Variants in RPP25 observed in about 807,000 individuals in gnomAD.
RPP25 encodes ribonuclease P/MRP subunit p25, also known as ribonuclease P protein subunit p25.
Under a neutral mutation model 4.4 loss-of-function variants are expected in RPP25, and 2 were observed. The observed-to-expected ratio is 0.45, with a 90% CI of 0.19 to 1.43. RPP25 has a LOEUF of 1.43. Among genes scored for constraint, RPP25 ranks in the 40% most tolerant of loss-of-function variants. The pLI is 0.26. For synonymous variants in RPP25, 144 were observed against 136.2 expected (o/e 1.06, Z -0.40); for missense variants, 319 against 293.8 (o/e 1.09, Z -0.63).
In RPP25 at chr15:74,956,534, C is replaced by G; in HGVS notation, c.50G>C (p.Gly17Ala). The change falls in exon 1 of 1, where the codon GGG becomes GCG. Residue 17 changes from glycine (G) to alanine (A), a missense_variant. Transcript: ENST00000322177. ...VRSEEAPAGC[G>A]AEGGGPGSGP... is the part of the protein sequence containing the mutation. ...GGAGCCCGGGCCGCCTCCCTCGGCC[C>G]CGCACCCCGCTGGCGCCTCTTCGGA... 1 of 1,521,490 alleles carries G rather than the reference C, an allele frequency of 6.6e-7. No individual in the cohort carries two copies. Among genetic ancestry groups the G allele is most frequent in the Non-Finnish European group, 8.8e-7 (1 of 1,140,652 alleles). The allele number at this position is 1,521,490 out of a possible 1,614,324, so 94.2% of individuals were successfully genotyped here.
At position 74,956,412 on chromosome 15, in the gene RPP25, C is replaced by A. The variant is rs1334528684; in HGVS notation, c.172G>T (p.Ala58Ser). Residue 58 changes from alanine (A) to serine (S), a missense_variant, in exon 1 of 1, where the codon GCG becomes TCG. Transcript: ENST00000322177. ...ACGATGGCGCGCGTGGCTGGCTGCG[C>A]CATGCTGGCGGTGGCGAAGGCCATC... is the stretch of plus-strand genomic sequence containing the variant. ...NLMAFATASM[A>S]QPATRAIVFS... is the part of the protein sequence containing the mutation. 6.2e-7 allele frequency: 1 copy of A among 1,601,556 alleles called. No homozygotes were observed. Among genetic ancestry groups the A allele is most frequent in the South Asian group, 1.1e-5 (1 of 89,958 alleles).
Position 74,956,146 on chromosome 15 carries a change from C to T in RPP25, c.438G>A (p.Pro146=). Reference sequence around the variant, plus strand: ...TCGGGGGCTGGTAGCCGGGCTGTCGCGGATCCAGCGCGTCCTTGGAAAGTA... The same window carrying T: ...TCGGGGGCTGGTAGCCGGGCTGTCGTGGATCCAGCGCGTCCTTGGAAAGTA... ...AILLSKDALD[P]RQPGYQPPNP... is the part of the protein sequence containing the mutation. Residue 146 remains proline, a synonymous_variant, in exon 1 of 1, where the codon CCG becomes CCA. Transcript: ENST00000322177. 1 of 1,601,852 alleles carries T rather than the reference C, an allele frequency of 6.2e-7. No homozygotes were observed. Among genetic ancestry groups the T allele is most frequent in the Non-Finnish European group, 8.5e-7 (1 of 1,175,324 alleles).
chr15:74,955,839 C>G lies in RPP25; in HGVS notation c.*145G>C, dbSNP rs2065466080. ...ACTCCTGGGGCCCCTCTCTTGTCGC[C>G]TTAAGGTCCATGCTACCTGTCTTGA... On this transcript the variant is annotated 3_prime_UTR_variant, in exon 1 of 1. Coordinates refer to ENST00000322177, the MANE Select transcript of RPP25 (RefSeq NM_017793.3). 5.8e-6 allele frequency: 7 copies of G among 1,209,188 alleles called. No homozygotes were observed. The highest frequency in any genetic ancestry group is 2.2e-4 in the Middle Eastern group (1 of 4,520). The allele number at this position is 1,209,188 out of a possible 1,614,324, so 74.9% of individuals were successfully genotyped here. A position where few individuals can be genotyped will look rare whatever the true frequency, so the allele number is the denominator to read the frequency against.
Position 74,956,214 on chromosome 15 carries a change from C to G in RPP25, c.370G>C (p.Ala124Pro). Residue 124 changes from alanine (A) to proline (P), a missense_variant, in exon 1 of 1, where the codon GCT (alanine) becomes CCT (proline). By Grantham distance (27) the Ala-to-Pro change is conservative. Transcript: ENST00000322177. ...TQGQTPGEPA[A>P]SLSVLKNVPG... ...ACGTTCTTAAGTACGCTGAGACTAG[C>G]GGCCGGCTCGCCAGGCGTCTGACCC... The G allele has an allele frequency of 6.4e-7, 1 of 1,561,422 alleles. No individual in the cohort carries two copies. Among genetic ancestry groups the G allele is most frequent in the South Asian group, 1.2e-5 (1 of 85,574 alleles).
At position 74,954,458 on chromosome 15, in the gene RPP25, A is replaced by C. The variant is rs2065458828; in HGVS notation, c.*1526T>G. On this transcript the variant is annotated 3_prime_UTR_variant, in exon 1 of 1. Transcript: ENST00000322177. Reference sequence around the variant, plus strand: ...GATTTATTTCAGGGTTCTGCCAGCAAAATGACTTATAAATACATTCTTCCG... The same window carrying C: ...GATTTATTTCAGGGTTCTGCCAGCACAATGACTTATAAATACATTCTTCCG... 1 of 152,256 alleles carries C rather than the reference A, an allele frequency of 6.6e-6. No homozygotes were observed. Among genetic ancestry groups the C allele is most frequent in the Non-Finnish European group, 1.5e-5 (1 of 68,056 alleles). The allele number at this position is 152,256 out of a possible 1,614,324, so 9.4% of individuals were successfully genotyped here.
rs2065463159 is a variant in RPP25, at chr15:74,955,358, G to A, written c.*626C>T. Reference sequence around the variant, plus strand: ...ACTCCAGCCAGCTGCAGGGCTCAGGGGAGGAGGCCTGGAGAGTTCAGTCCT... The same window carrying A: ...ACTCCAGCCAGCTGCAGGGCTCAGGAGAGGAGGCCTGGAGAGTTCAGTCCT... On this transcript the variant is annotated 3_prime_UTR_variant, in exon 1 of 1. Coordinates refer to ENST00000322177, the MANE Select transcript of RPP25 (RefSeq NM_017793.3). The A allele has an allele frequency of 6.6e-6, 1 of 152,502 alleles. No individual in the cohort carries two copies. The highest frequency in any genetic ancestry group is 6.5e-5 in the Admixed American group (1 of 15,300). The allele number at this position is 152,502 out of a possible 1,614,324, so 9.4% of individuals were successfully genotyped here. A position where few individuals can be genotyped will look rare whatever the true frequency, so the allele number is the denominator to read the frequency against.
chr15:74,956,287 G>A lies in RPP25; in HGVS notation c.297C>T (p.Tyr99=). ...AGLHQVTRLR[Y]RSVREVWQSL... ...TCTGCCACACCTCGCGTACGCTCCGGTAGCGCAGCCGCGTGACCTGGTGCA... is the reference window on the plus strand; with the variant it reads ...TCTGCCACACCTCGCGTACGCTCCGATAGCGCAGCCGCGTGACCTGGTGCA... The change falls in exon 1 of 1, where the codon TAC becomes TAT. Residue 99 remains tyrosine, a synonymous_variant. Transcript: ENST00000322177. 1 of 1,597,936 alleles carries A rather than the reference G, an allele frequency of 6.3e-7. No individual in the cohort carries two copies. The highest frequency in any genetic ancestry group is 8.5e-7 in the Non-Finnish European group (1 of 1,175,508).
Position 74,956,148 on chromosome 15 carries a change from G to A in RPP25, c.436C>T (p.Pro146Ser). 1 of 1,601,772 alleles carries A rather than the reference G, an allele frequency of 6.2e-7. No individual in the cohort carries two copies. The part of the protein sequence containing the change: ...AILLSKDALD[P>S]RQPGYQPPNP... ...GGGGGCTGGTAGCCGGGCTGTCGCG[G>A]ATCCAGCGCGTCCTTGGAAAGTAGG... Residue 146 changes from proline (P) to serine (S), a missense_variant, in exon 1 of 1, where the codon CCG becomes TCG. Pro to Ser is a moderately conservative substitution (Grantham distance 74). Transcript: ENST00000322177.
rs2065468906 is a variant in RPP25 at position 74,956,098 on chromosome 15, GGA to G, written c.484_485del (p.Ser162ProfsTer119). 3.1e-6 allele frequency: 5 copies of G among 1,609,288 alleles called. No homozygotes were observed. In the African/African-American group the frequency reaches 5.3e-5, roughly 17 times the overall value. On this transcript the variant is annotated frameshift_variant, in exon 1 of 1. Transcript: ENST00000322177. LOFTEE classifies it low-confidence loss of function (END_TRUNC). ...TCTTGGACGCTGGCGCGGCTGGCGG[GGA>G]CGAGGGACCAGGATGGGGATTCGGG... Reference protein sequence around the residue: ...QPPNPHPGPSSPPAAPASKRS... With the variant: ...QPPNPHPGPSXPPAAPASKRS...
At position 74,955,964 on chromosome 15, in the gene RPP25, G is replaced by T; in HGVS notation, c.*20C>A. ...CTGGCGGAAGATCCTGCCGGACTAG[G>T]TGGCCCACAGTCCGGAGTTTCAGGC... On this transcript the variant is annotated 3_prime_UTR_variant, in exon 1 of 1. Transcript: ENST00000322177. The T allele has an allele frequency of 6.2e-7, 1 of 1,612,262 alleles. No homozygotes were observed. Among genetic ancestry groups the T allele is most frequent in the Non-Finnish European group, 8.5e-7 (1 of 1,179,754 alleles).
In RPP25 at chr15:74,956,503, G is replaced by T; in HGVS notation, c.81C>A (p.Pro27=). 1 of 1,540,732 alleles carries T rather than the reference G, an allele frequency of 6.5e-7. No homozygotes were observed. The change falls in exon 1 of 1, where the codon CCC becomes CCA. Residue 27 remains proline (P), a synonymous_variant. Coordinates refer to ENST00000322177, the MANE Select transcript of RPP25 (RefSeq NM_017793.3). ...CCGCGCCCGGCGCCAGGTCTGCGAA[G>T]GGGCCGGAGCCCGGGCCGCCTCCCT... ...GAEGGGPGSG[P]FADLAPGAVH...
Position 74,956,697 on chromosome 15 carries a change from C to G in RPP25, c.-114G>C, listed in dbSNP as rs1033132564. The stretch of plus-strand genomic sequence containing the variant: ...AGCAGGGGTAAGGGCGCCGGAGCAG[C>G]GCAGACGCCGGCGGGCGGGCTGGGA... On this transcript the variant is annotated 5_prime_UTR_variant, in exon 1 of 1. Transcript: ENST00000322177. 1.6e-6 allele frequency: 2 copies of G among 1,224,146 alleles called. No individual in the cohort carries two copies. Among genetic ancestry groups the G allele is most frequent in the African/African-American group, 1.6e-5 (1 of 62,736 alleles). 75.8% of individuals were successfully genotyped at this position (1,224,146 alleles called of 1,614,324 possible). A position where few individuals can be genotyped will look rare whatever the true frequency, so the allele number is the denominator to read the frequency against.
Position 74,955,415 on chromosome 15 carries a change from G to C in RPP25, c.*569C>G, listed in dbSNP as rs1443698588. 1 of 154,818 alleles carries C rather than the reference G, an allele frequency of 6.5e-6. No individual in the cohort carries two copies. The highest frequency in any genetic ancestry group is 2.4e-5 in the African/African-American group (1 of 41,426). The allele number at this position is 154,818 out of a possible 1,614,324, so 9.6% of individuals were successfully genotyped here. On this transcript the variant is annotated 3_prime_UTR_variant, in exon 1 of 1. Coordinates refer to ENST00000322177, the MANE Select transcript of RPP25 (RefSeq NM_017793.3). Reference sequence around the variant, plus strand: ...CCCTCTGGGCCAGCAGGGGGAAAAGGGGTGTTAAAAGAGCTAGAACCCTCA... The same window carrying C: ...CCCTCTGGGCCAGCAGGGGGAAAAGCGGTGTTAAAAGAGCTAGAACCCTCA...
chr15:74,956,299 C>A lies in RPP25; in HGVS notation c.285G>T (p.Thr95=). 6.2e-7 allele frequency: 1 copy of A among 1,600,402 alleles called. No homozygotes were observed. Among genetic ancestry groups the A allele is most frequent in the Non-Finnish European group, 8.5e-7 (1 of 1,177,072 alleles). Residue 95 remains threonine (T), a synonymous_variant, in exon 1 of 1, where the codon ACG becomes ACT. Coordinates refer to ENST00000322177, the MANE Select transcript of RPP25 (RefSeq NM_017793.3). ...CGCGTACGCTCCGGTAGCGCAGCCG[C>A]GTGACCTGGTGCAGGCCCGCCAGGC... is the stretch of plus-strand genomic sequence containing the variant. ...KRRLAGLHQV[T]RLRYRSVREV... is the part of the protein sequence containing the mutation.
chr15:74,956,720 G>A lies in RPP25; in HGVS notation c.-137C>T. The A allele has an allele frequency of 4.8e-6, 5 of 1,042,510 alleles. No individual in the cohort carries two copies. Among genetic ancestry groups the A allele is most frequent in the Non-Finnish European group, 3.8e-6 (3 of 795,152 alleles). 64.6% of individuals were successfully genotyped at this position (1,042,510 alleles called of 1,614,324 possible). On this transcript the variant is annotated 5_prime_UTR_variant, in exon 1 of 1. Transcript: ENST00000322177. ...AGCGCAGACGCCGGCGGGCGGGCTG[G>A]GACGGCGCGATCTCGGCCCCACTTC... is the stretch of plus-strand genomic sequence containing the variant.
At position 74,955,838 on chromosome 15, in the gene RPP25, C is replaced by T. The variant is rs572223720; in HGVS notation, c.*146G>A. On this transcript the variant is annotated 3_prime_UTR_variant, in exon 1 of 1. Transcript: ENST00000322177. Reference sequence around the variant, plus strand: ...CACTCCTGGGGCCCCTCTCTTGTCGCCTTAAGGTCCATGCTACCTGTCTTG... The same window carrying T: ...CACTCCTGGGGCCCCTCTCTTGTCGTCTTAAGGTCCATGCTACCTGTCTTG... The T allele has an allele frequency of 2.3e-5, 27 of 1,194,886 alleles. No individual in the cohort carries two copies. The South Asian group carries it at 3.3e-4, about 15-fold the overall frequency. The allele number at this position is 1,194,886 out of a possible 1,614,324, so 74.0% of individuals were successfully genotyped here. A position where few individuals can be genotyped will look rare whatever the true frequency, so the allele number is the denominator to read the frequency against.
Position 74,954,692 on chromosome 15 carries a change from A to C in RPP25, c.*1292T>G, listed in dbSNP as rs1216668187. 3 of 152,290 alleles carry C rather than the reference A, an allele frequency of 2.0e-5. No individual in the cohort carries two copies. Among genetic ancestry groups the C allele is most frequent in the Non-Finnish European group, 4.4e-5 (3 of 68,100 alleles). 9.4% of individuals were successfully genotyped at this position (152,290 alleles called of 1,614,324 possible). A position where few individuals can be genotyped will look rare whatever the true frequency, so the allele number is the denominator to read the frequency against. On this transcript the variant is annotated 3_prime_UTR_variant, in exon 1 of 1. Coordinates refer to ENST00000322177, the MANE Select transcript of RPP25 (RefSeq NM_017793.3). ...TGTGCAGGGCTGGAGGCAGCAGCTT[A>C]TCAGGAGGCCTGCAGTGATTCACAG...
rs937225695 is a variant in RPP25, at chr15:74,955,500, G to A, written c.*484C>T. ...GAAAGGAAAACTGTCCCAGGGCGGG[G>A]AGCGGAATAGGGCCCCCACATCTCA... On this transcript the variant is annotated 3_prime_UTR_variant, in exon 1 of 1. Coordinates refer to ENST00000322177, the MANE Select transcript of RPP25 (RefSeq NM_017793.3). The A allele has an allele frequency of 1.2e-5, 2 of 162,582 alleles. No individual in the cohort carries two copies. Among genetic ancestry groups the A allele is most frequent in the Admixed American group, 5.8e-5 (1 of 17,160 alleles). 10.1% of individuals were successfully genotyped at this position (162,582 alleles called of 1,614,324 possible). A position where few individuals can be genotyped will look rare whatever the true frequency, so the allele number is the denominator to read the frequency against.
In RPP25 at chr15:74,956,521, G is replaced by A. The variant is rs2141282167; in HGVS notation, c.63C>T (p.Gly21=). The A allele has an allele frequency of 2.6e-6, 4 of 1,528,092 alleles. No individual in the cohort carries two copies. The highest frequency in any genetic ancestry group is 3.4e-4 in the Middle Eastern group (2 of 5,872). The allele number at this position is 1,528,092 out of a possible 1,614,324, so 94.7% of individuals were successfully genotyped here. Residue 21 remains glycine, a synonymous_variant, in exon 1 of 1, where the codon GGC becomes GGT. Coordinates refer to ENST00000322177, the MANE Select transcript of RPP25 (RefSeq NM_017793.3). ...CTGCGAAGGGGCCGGAGCCCGGGCC[G>A]CCTCCCTCGGCCCCGCACCCCGCTG... The part of the protein sequence containing the change: ...EAPAGCGAEG[G]GPGSGPFADL...
Sources: allele counts gnomAD v4.1 joint callset, GRCh38; gene constraint gnomAD v4.1.1; transcripts MANE v1.5; gene names NCBI Gene and HGNC (gene_info 2026-07-23, HGNC 2026-07-21).